MROH9: variants seen among roughly 807,000 people sequenced by gnomAD.
MROH9 encodes maestro heat like repeat family member 9.
MROH9 carries 92 observed loss-of-function variants against 98.2 expected under a neutral mutation model. The observed-to-expected ratio is 0.94, with a 90% confidence interval of 0.79 to 1.11. The LOEUF (loss-of-function observed/expected upper bound fraction) is 1.11, where lower values mean the gene tolerates loss of function less well. MROH9 is among the 50% of genes most tolerant of loss of function. MROH9 has a pLI of 0.00. For missense variants in MROH9, 1,057 were observed against 1,014.8 expected (o/e 1.04, Z -0.57); for synonymous variants, 397 against 368.9 (o/e 1.08, Z -0.87).
Position 170,998,480 on chromosome 1 carries a change from C to A in MROH9, c.1596+206C>A, listed in dbSNP as rs959181530. On this transcript the variant is annotated intron_variant, in intron 15 of 21. Coordinates refer to ENST00000367759, the MANE Select transcript of MROH9 (RefSeq NM_001163629.2). ...GAGTTGTCCCTTCAGCTTTCCCCAG[C>A]AGTTGGTTTTTCTCTGTTTCTAGGG... 20 of 1,508,258 alleles carry A rather than the reference C, an allele frequency of 1.3e-5. No individual in the cohort carries two copies. The East Asian group carries it at 2.3e-4, about 17-fold the overall frequency. The allele number at this position is 1,508,258 out of a possible 1,614,324, so 93.4% of individuals were successfully genotyped here.
intron 15 of MROH9, among the ~76,000 whole-genome samples, chr1:171,010,796 G>GT (rs919427446): frequency 2.9e-4 from 44 of 151,474 alleles, no homozygotes; most frequent in African/African-American, 8.7e-4. Context: ...TTTTGTTTTG[G>GT]TTTTTTTTGT....
chr1:170,986,979 C>T (rs1054272974), intron 10 of MROH9, among the ~76,000 whole-genome samples: 14 of 151,878 alleles, frequency 9.2e-5, no homozygotes, highest in African/African-American at 3.4e-4. Context: ...GCCTCCTAAG[C>T]AGCTGGGACT....
chr1:170,950,258 T>C (rs1319250553), intron 3 of MROH9, among the ~76,000 whole-genome samples: 3 of 152,030 alleles, frequency 2.0e-5, no homozygotes, highest in Non-Finnish European at 4.4e-5. Context: ...ACAATGAAGT[T>C]GAAGATTTTA....
chr1:170,959,711 G>T, intron 5 of MROH9, 114 bp downstream of exon 5: 2 of 924,346 alleles, frequency 2.2e-6, no homozygotes, highest in Non-Finnish European at 3.1e-6. Context: ...ACTCTTTTTA[G>T]TTATAACAGT....
chr1:170,961,292 A>G (rs1369593392), intron 5 of MROH9, among the ~76,000 whole-genome samples: 1 of 152,244 alleles, frequency 6.6e-6, no homozygotes, highest in Non-Finnish European at 1.5e-5. Flanking sequence ...AAGGCAAGAG[A>G]AAATTTAAAA....
chr1:171,057,975 A>T (rs755975370), intron 20 of MROH9, among the ~76,000 whole-genome samples: 1 of 152,024 alleles, frequency 6.6e-6, no homozygotes, highest in Admixed American at 6.6e-5. Context: ...GGGGGGAAAA[A>T]AACACCAAAA....
At chr1:170,997,762 G>T (rs76812445) in intron 14 of MROH9, among the ~76,000 whole-genome samples, 1 of 152,038 alleles carries the variant, frequency 6.6e-6, no homozygotes, top group African/African-American at 2.4e-5. Context: ...TCTCATCGGC[G>T]TTACATCATT....
At position 170,970,213 on chromosome 1, in the gene MROH9, C is replaced by A. The variant is rs142061323; in HGVS notation, c.481-1535C>A. ...GGATAATCAGAGAGGACATTTGAGG[C>A]AAAACCTGTAATATAAGATGACTGT... On this transcript the variant is annotated intron_variant, in intron 7 of 21. Transcript: ENST00000367759. Among the ~76,000 whole-genome samples, 1,470 of 152,216 alleles carry A rather than the reference C, an allele frequency of 9.7e-3. 13 individuals are homozygous for A. The highest frequency in any genetic ancestry group is 0.071 in the Middle Eastern group (21 of 294).
intron 1 of MROH9, among the ~76,000 whole-genome samples, chr1:170,944,656 CT>C (rs777585479): frequency 2.8e-4 from 43 of 152,020 alleles, no homozygotes; most frequent in Non-Finnish European, 5.4e-4. Flanking sequence ...GAATTTCAGG[CT>C]TTAAAATAAG....
At chr1:170,994,569 G>A (rs540299281) in intron 12 of MROH9, among the ~76,000 whole-genome samples, 1 of 152,122 alleles carries the variant, frequency 6.6e-6, no homozygotes, top group East Asian at 1.9e-4. Flanking sequence ...CATAGAGAAT[G>A]GGGTACCCAT....
intron 15 of MROH9, among the ~76,000 whole-genome samples, chr1:171,000,907 C>A (rs1012063458): frequency 3.9e-5 from 6 of 151,976 alleles, no homozygotes; most frequent in Non-Finnish European, 5.9e-5. Flanking sequence ...ATTACCGTTT[C>A]AATCTCTCTG....
intron 1 of MROH9, among the ~76,000 whole-genome samples, chr1:170,938,028 G>A (rs983946850): frequency 2.0e-5 from 3 of 152,110 alleles, no homozygotes; most frequent in African/African-American, 7.2e-5. Context: ...GACACACTAA[G>A]GGATCTTTTG....
At chr1:170,971,596 C>A in intron 7 of MROH9, 152 bp from the exon 8 acceptor site, 2 of 854,852 alleles carry the variant, frequency 2.3e-6, no homozygotes, top group Non-Finnish European at 3.7e-6. Flanking sequence ...AATTGAGAGT[C>A]AGTAACGGGG....
At chr1:170,988,731 A>G (rs1208652253) in intron 10 of MROH9, among the ~76,000 whole-genome samples, 1 of 152,186 alleles carries the variant, frequency 6.6e-6, no homozygotes, top group African/African-American at 2.4e-5. Context: ...TTGCATATAC[A>G]GTATATGGGC....
At chr1:170,944,839 G>A (rs549056410) in intron 1 of MROH9, among the ~76,000 whole-genome samples, 14 of 152,098 alleles carry the variant, frequency 9.2e-5, no homozygotes, top group African/African-American at 2.9e-4. Context: ...TCCACTTGAA[G>A]CTGAAATATT....
At chr1:171,007,038 A>T (rs1400157243) in intron 15 of MROH9, among the ~76,000 whole-genome samples, 2 of 152,162 alleles carry the variant, frequency 1.3e-5, no homozygotes, top group Non-Finnish European at 2.9e-5. Context: ...ATTCTTCATT[A>T]TCTGTATAGT....
In MROH9 at chr1:171,036,236, C is replaced by T. The variant is rs115576702; in HGVS notation, c.2281+10816C>T. ...TTGGGGAGAAAATAAAAGGGAGCCT[C>T]GGAGAGAGTTTCTGGATTACTGGTA... On this transcript the variant is annotated intron_variant, in intron 20 of 21. Transcript: ENST00000367759. 7.1e-3 allele frequency among the ~76,000 whole-genome samples: 1,080 copies of T among 152,134 alleles called. 13 individuals are homozygous for T. The highest frequency in any genetic ancestry group is 0.025 in the African/African-American group (1,041 of 41,538).
chr1:170,996,779 T>C (rs1651594234), intron 14 of MROH9, 135 bp downstream of exon 14: 6 of 869,176 alleles, frequency 6.9e-6, no homozygotes, highest in Non-Finnish European at 1.0e-5. Context: ...GAGTTGCTAT[T>C]TGATTTCTAC....
At chr1:170,976,877 G>T (rs572345347) in intron 8 of MROH9, among the ~76,000 whole-genome samples, 54 of 152,240 alleles carry the variant, frequency 3.5e-4, no homozygotes, top group Admixed American at 1.4e-3. Context: ...ATAACACATA[G>T]AATTGGCCTC....
Sources: allele counts gnomAD v4.1 joint callset (sites outside exome capture counted in the v4.1 genomes callset), GRCh38; gene constraint gnomAD v4.1.1; transcripts MANE v1.5; gene names NCBI Gene and HGNC (gene_info 2026-07-23, HGNC 2026-07-21).